ST6GALNAC6: variants seen among roughly 807,000 people sequenced by gnomAD.
ST6GALNAC6 encodes the protein alpha-N-acetylgalactosaminide alpha-2,6-sialyltransferase 6.
Under a neutral mutation model 34.3 loss-of-function variants are expected in ST6GALNAC6, and 19 were observed. The ratio of observed to expected loss-of-function variants is 0.55; its 90% CI spans 0.39 to 0.81. The LOEUF is 0.81. Among genes scored for constraint, ST6GALNAC6 ranks in the 40% least tolerant of loss-of-function variants. The probability of loss-of-function intolerance (pLI) is 0.00; values close to 1 mark genes in which losing one functional copy is unlikely to be tolerated. For missense variants in ST6GALNAC6, 377 were observed against 467.7 expected (o/e 0.81, Z 1.79); for synonymous variants, 185 against 182.1 (o/e 1.02, Z -0.13).
At chr9:127,902,976 T>C (rs1040811154), upstream of ST6GALNAC6, 1 of 144,622 alleles carries the variant, frequency 6.9e-6, no homozygotes, top group Non-Finnish European at 1.5e-5. Flanking sequence ...ATATATAGCA[T>C]AATTTTTTGC....
chr9:127,906,075 A>G (rs1236481965), upstream of ST6GALNAC6: 37 of 966,330 alleles, frequency 3.8e-5, no homozygotes, highest in Middle Eastern at 5.3e-4. Flanking sequence ...ACTGGGCAGG[A>G]GGAAGCCGGG....
At chr9:127,898,814 AGTGTGT>A (rs1830620628) in intron 1 of ST6GALNAC6, among the ~76,000 whole-genome samples, 1 of 152,110 alleles carries the variant, frequency 6.6e-6, no homozygotes, top group South Asian at 2.1e-4. Flanking sequence ...GAGGCCATGG[AGTGTGT>A]GCCCAGGACG....
chr9:127,905,325 G>C, exon 1 of ST6GALNAC6: 1 of 985,572 alleles, frequency 1.0e-6, no homozygotes, highest in Non-Finnish European at 1.2e-6. Flanking sequence ...ATCTCCATCT[G>C]CCTGGAGGAA....
chr9:127,899,691 G>C, upstream of ST6GALNAC6: 1 of 983,244 alleles, frequency 1.0e-6, no homozygotes, highest in East Asian at 1.1e-4. Flanking sequence ...GGCCGCGGGT[G>C]GCTCCGCCCA....
At chr9:127,901,426 C>T (rs1408914303), upstream of ST6GALNAC6, among the ~76,000 whole-genome samples, 1 of 151,622 alleles carries the variant, frequency 6.6e-6, no homozygotes, top group Non-Finnish European at 1.5e-5. Flanking sequence ...CCCGTCTCTA[C>T]TAAAAATACA....
Position 127,886,390 on chromosome 9 carries a change from C to G in ST6GALNAC6, c.*209G>C. 1.4e-6 allele frequency: 2 copies of G among 1,411,882 alleles called. No homozygotes were observed. The highest frequency in any genetic ancestry group is 1.9e-6 in the Non-Finnish European group (2 of 1,077,088). 87.5% of individuals were successfully genotyped at this position (1,411,882 alleles called of 1,614,324 possible). On this transcript the variant is annotated 3_prime_UTR_variant, in exon 7 of 7. Coordinates refer to ENST00000373146, the MANE Select transcript of ST6GALNAC6 (RefSeq NM_013443.5). ...ACCCTGACTGCACAAGAAAGACACC[C>G]CTGATTAACCGCATAGACTCCCAAA... is the stretch of plus-strand genomic sequence containing the variant.
intron 6 of ST6GALNAC6, 69 bp from the exon 7 acceptor site, chr9:127,886,857 C>T (rs79086915): frequency 0.014 from 20,208 of 1,470,606 alleles, 164 homozygotes; most frequent in Non-Finnish European, 0.016. Flanking sequence ...CTTTCAGCCC[C>T]TCGCTTACCA....
intron 4 of ST6GALNAC6, among the ~76,000 whole-genome samples, chr9:127,892,567 C>T (rs1194932519): frequency 3.3e-5 from 5 of 152,184 alleles, no homozygotes; most frequent in East Asian, 1.9e-4. Context: ...TCTCACCCCC[C>T]GCACACCTTT....
chr9:127,894,079 A>C (rs527815009), intron 4 of ST6GALNAC6, among the ~76,000 whole-genome samples: 1 of 152,254 alleles, frequency 6.6e-6, no homozygotes, highest in East Asian at 1.9e-4. Flanking sequence ...TCACCAAGGA[A>C]GATAATAATG....
At chr9:127,902,868 C>G (rs1830806815), upstream of ST6GALNAC6, 1 of 151,048 alleles carries the variant, frequency 6.6e-6, no homozygotes, top group African/African-American at 2.4e-5. Flanking sequence ...GGATTACAGG[C>G]ATGAGTCACC....
At chr9:127,905,820 G>A, upstream of ST6GALNAC6, 1 of 483,518 alleles carries the variant, frequency 2.1e-6, no homozygotes, top group Non-Finnish European at 2.7e-6. Context: ...AATCTGCCAA[G>A]ACCACTACAG....
intron 2 of ST6GALNAC6, chr9:127,897,395 C>T: frequency 1.0e-6 from 1 of 986,396 alleles, no homozygotes; most frequent in Non-Finnish European, 1.2e-6. Flanking sequence ...CCTACACGGC[C>T]ACCAGGAATA....
intron 1 of ST6GALNAC6, chr9:127,904,717 A>T (rs1258109421): frequency 6.6e-6 from 1 of 152,304 alleles, no homozygotes. Flanking sequence ...GGCCTGTGAG[A>T]GTGGCGGGCA....
Position 127,887,503 on chromosome 9 carries a change from C to T in ST6GALNAC6, c.793G>A (p.Val265Ile). The T allele has an allele frequency of 6.2e-7, 1 of 1,612,252 alleles. No individual in the cohort carries two copies. Among genetic ancestry groups the T allele is most frequent in the Non-Finnish European group, 8.5e-7 (1 of 1,179,098 alleles). Residue 265 changes from valine to isoleucine, a missense_variant, in exon 6 of 7, where the codon GTC (valine) becomes ATC (isoleucine). Coordinates refer to ENST00000373146, the MANE Select transcript of ST6GALNAC6 (RefSeq NM_013443.5). ...GCTCACCTGCAGTAGTTGGGGGGGA[C>T]CATGCCATAGACATGCACGTGGTCA... ...LCDHVHVYGM[V>I]PPNYCSQRPR... is the part of the protein sequence containing the mutation.
chr9:127,902,319 C>T (rs1000456356), upstream of ST6GALNAC6, among the ~76,000 whole-genome samples: 1 of 151,690 alleles, frequency 6.6e-6, no homozygotes, highest in Non-Finnish European at 1.5e-5. Context: ...CCACCACGCC[C>T]AGCTAATTTT....
intron 2 of ST6GALNAC6, 114 bp downstream of exon 2, chr9:127,897,842 C>T (rs1029940034): frequency 3.2e-6 from 5 of 1,584,096 alleles, no homozygotes; most frequent in East Asian, 2.3e-5. Flanking sequence ...CCGAGCTGTG[C>T]CCTCAGCCAG....
intron 1 of ST6GALNAC6, among the ~76,000 whole-genome samples, chr9:127,898,755 G>C (rs1169103474): frequency 1.3e-5 from 2 of 152,272 alleles, no homozygotes; most frequent in Non-Finnish European, 2.9e-5. Context: ...GCCCAGGGCT[G>C]AGCCTGACTT....
chr9:127,899,409 C>T (rs1262205732), intron 1 of ST6GALNAC6, 94 bp downstream of exon 1: 1 of 697,718 alleles, frequency 1.4e-6, no homozygotes, highest in Non-Finnish European at 1.8e-6. Context: ...TCCCCATCCC[C>T]GGCGATTAGC....
At chr9:127,905,963 C>T (rs978475948), upstream of ST6GALNAC6, 22 of 985,504 alleles carry the variant, frequency 2.2e-5, no homozygotes, top group Middle Eastern at 1.6e-3. Flanking sequence ...GAGAGCTCCT[C>T]GCTCCGTGCT....
Sources: allele counts gnomAD v4.1 joint callset (sites outside exome capture counted in the v4.1 genomes callset), GRCh38; gene constraint gnomAD v4.1.1; transcripts MANE v1.5; gene names NCBI Gene and HGNC (gene_info 2026-07-23, HGNC 2026-07-21).